The following CYFIP2 variants were observed in gnomAD, a reference collection of about 807,000 sequenced individuals.
CYFIP2 encodes the protein cytoplasmic FMR1 interacting protein 2.
CYFIP2 carries 29 observed loss-of-function variants against 158.7 expected under a neutral mutation model. That is an observed-to-expected ratio of 0.18 (90% CI 0.14 to 0.25). CYFIP2 has a LOEUF of 0.25. Ranked by LOEUF, CYFIP2 falls within the 10% of genes least tolerant of loss-of-function variation. The probability of loss-of-function intolerance (pLI) is 1.00; values close to 1 mark genes in which losing one functional copy is unlikely to be tolerated. For synonymous variants in CYFIP2, 585 were observed against 617.6 expected (o/e 0.95, Z 0.78); for missense variants, 852 against 1,639.5 (o/e 0.52, Z 8.29).
intron 26 of CYFIP2, among the ~76,000 whole-genome samples, chr5:157,377,231 A>G (rs1266891212): frequency 6.6e-6 from 1 of 151,992 alleles, no homozygotes; most frequent in South Asian, 2.1e-4. Flanking sequence ...CTAGAAATCT[A>G]AGAGAGGCTT....
Position 157,302,786 on chromosome 5 carries a change from C to A in CYFIP2, c.570-8C>A. ...TCCTCTCTGCAGCACCCACTATCTGCGTTTCAGGGCAGCACAGTTCCTGCG... is the reference window on the plus strand; with the variant it reads ...TCCTCTCTGCAGCACCCACTATCTGAGTTTCAGGGCAGCACAGTTCCTGCG... On this transcript the variant is annotated splice_region_variant and splice_polypyrimidine_tract_variant and intron_variant, in intron 6 of 30. Transcript: ENST00000620254. The A allele has an allele frequency of 6.4e-7, 1 of 1,567,930 alleles. No homozygotes were observed. The highest frequency in any genetic ancestry group is 8.7e-7 in the Non-Finnish European group (1 of 1,155,826).
chr5:157,314,529 C>T (rs1759984815), intron 12 of CYFIP2, 66 bp downstream of exon 12: 1 of 1,553,574 alleles, frequency 6.4e-7, no homozygotes, highest in Non-Finnish European at 8.7e-7. Context: ...CTCCATCTCC[C>T]CCTAGCACTC....
At chr5:157,294,715 C>A in intron 3 of CYFIP2, 68 bp from the exon 4 acceptor site, 1 of 1,339,446 alleles carries the variant, frequency 7.5e-7, no homozygotes, top group Non-Finnish European at 1.1e-6. Context: ...TAGTGAGGAT[C>A]TGGGGGCTTT....
intron 15 of CYFIP2, chr5:157,322,931 C>A: frequency 1.3e-6 from 2 of 1,535,608 alleles, no homozygotes; most frequent in Non-Finnish European, 1.7e-6. Context: ...TCTCTCCTAT[C>A]TATGTCTTAG....
At position 157,323,910 on chromosome 5, in the gene CYFIP2, T is replaced by C; in HGVS notation, c.1672-11T>C. 6.5e-7 allele frequency: 1 copy of C among 1,547,196 alleles called. No homozygotes were observed. Among genetic ancestry groups the C allele is most frequent in the Non-Finnish European group, 8.8e-7 (1 of 1,140,926 alleles). ...AGCTTCTGACCTTCTCATCTTGCTT[T>C]CTTTTTCAAGCTGTACATGGTGCGG... On this transcript the variant is annotated splice_polypyrimidine_tract_variant and intron_variant, in intron 15 of 30. Coordinates refer to ENST00000620254, the MANE Select transcript of CYFIP2 (RefSeq NM_001037333.3).
At chr5:157,348,555 G>A (rs1279766467) in intron 23 of CYFIP2, among the ~76,000 whole-genome samples, 2 of 152,180 alleles carry the variant, frequency 1.3e-5, no homozygotes, top group Non-Finnish European at 2.9e-5. Context: ...GGGACTACAG[G>A]TGTGCACCAC....
At chr5:157,387,145 A>G (rs1561791486) in intron 28 of CYFIP2, among the ~76,000 whole-genome samples, 2 of 152,254 alleles carry the variant, frequency 1.3e-5, no homozygotes, top group East Asian at 1.9e-4. Flanking sequence ...TTAAATATAC[A>G]TGTATACATT....
intron 23 of CYFIP2, among the ~76,000 whole-genome samples, chr5:157,357,560 G>A (rs1013952379): frequency 2.6e-5 from 4 of 152,210 alleles, no homozygotes; most frequent in African/African-American, 4.8e-5. Context: ...TGGGTGCAGT[G>A]GCTCATGCCT....
At chr5:157,298,577 C>T (rs1195897665) in intron 5 of CYFIP2, among the ~76,000 whole-genome samples, 4 of 151,422 alleles carry the variant, frequency 2.6e-5, no homozygotes, top group East Asian at 3.9e-4. Context: ...AACTCCTGGC[C>T]TCAAGTGATC....
rs7717487 is a variant in CYFIP2 at position 157,361,350 on chromosome 5, G to A, written c.2909-118G>A. The A allele has an allele frequency of 5.2e-3, 6,896 of 1,315,946 alleles. 290 individuals are homozygous for A. In the African/African-American group the frequency reaches 0.091, roughly 17 times the overall value. The allele number at this position is 1,315,946 out of a possible 1,614,324, so 81.5% of individuals were successfully genotyped here. ...CTGGGCCTGCAGGTAAGAGGGATGC[G>A]TGGTTTGGCTTTTTGCTATCCCAGA... On this transcript the variant is annotated intron_variant, in intron 25 of 30. Coordinates refer to ENST00000620254, the MANE Select transcript of CYFIP2 (RefSeq NM_001037333.3). This position sits in a 1 kb window ranked among gnomAD's most constrained non-coding sequence, Gnocchi z 4.4.
intron 21 of CYFIP2, among the ~76,000 whole-genome samples, chr5:157,338,361 T>C (rs542895204): frequency 1.5e-4 from 23 of 152,188 alleles, no homozygotes; most frequent in Non-Finnish European, 2.2e-4. Flanking sequence ...GGGCCTACAC[T>C]CCAAAGGATG....
intron 23 of CYFIP2, among the ~76,000 whole-genome samples, chr5:157,348,710 C>T (rs902239958): frequency 2.6e-5 from 4 of 152,160 alleles, no homozygotes; most frequent in African/African-American, 9.7e-5. Context: ...CTGCCCCCCG[C>T]CTCACCTGGC....
At chr5:157,331,166 T>C (rs1287125425) in intron 20 of CYFIP2, among the ~76,000 whole-genome samples, 1 of 151,846 alleles carries the variant, frequency 6.6e-6, no homozygotes, top group Admixed American at 6.6e-5. Context: ...TAGAGATGGG[T>C]AAATCTGTCC....
intron 1 of CYFIP2, chr5:157,269,346 A>G (rs1232906389): frequency 6.6e-6 from 1 of 152,056 alleles, no homozygotes; most frequent in African/African-American, 2.4e-5. Context: ...CAACACGTAG[A>G]GTTAAGGAAG....
chr5:157,332,227 C>A (rs1305134450), intron 20 of CYFIP2, among the ~76,000 whole-genome samples: 1 of 152,216 alleles, frequency 6.6e-6, no homozygotes, highest in African/African-American at 2.4e-5. Context: ...GTGTTTCAAG[C>A]CTACAGGGAA....
chr5:157,277,388 T>C (rs1756648695), intron 1 of CYFIP2, among the ~76,000 whole-genome samples: 1 of 152,134 alleles, frequency 6.6e-6, no homozygotes, highest in Non-Finnish European at 1.5e-5. Flanking sequence ...TCTGGCCTTA[T>C]CTGTGTTATT....
intron 23 of CYFIP2, chr5:157,343,180 A>T (rs142914485): frequency 1.3e-4 from 210 of 1,614,106 alleles, no homozygotes; most frequent in Non-Finnish European, 1.7e-4. Flanking sequence ...AGGCCAGCAG[A>T]ATGGCCATCA....
chr5:157,281,759 A>G (rs1757006172), intron 1 of CYFIP2, among the ~76,000 whole-genome samples: 1 of 152,232 alleles, frequency 6.6e-6, no homozygotes, highest in African/African-American at 2.4e-5. Flanking sequence ...TCAAAGTCAA[A>G]TCTACAAAAT....
At chr5:157,313,379 G>T (rs887284266) in intron 11 of CYFIP2, among the ~76,000 whole-genome samples, 1 of 152,102 alleles carries the variant, frequency 6.6e-6, no homozygotes, top group Non-Finnish European at 1.5e-5. Flanking sequence ...TTTCCATAAG[G>T]CATGTTACAG....
Sources: allele counts gnomAD v4.1 joint callset (sites outside exome capture counted in the v4.1 genomes callset), GRCh38; gene constraint gnomAD v4.1.1; non-coding constraint Gnocchi (gnomAD v3.1); transcripts MANE v1.5; gene names NCBI Gene and HGNC (gene_info 2026-07-23, HGNC 2026-07-21).